Variants in MADD observed in about 807,000 individuals in gnomAD.
MADD encodes MAP kinase-activating death domain protein.
A neutral mutation model predicts 176.7 loss-of-function variants in MADD; 109 were observed. The ratio of observed to expected loss-of-function variants is 0.62; its 90% CI spans 0.53 to 0.72. MADD has a LOEUF of 0.72. Among genes scored for constraint, MADD ranks in the 30% least tolerant of loss-of-function variants. The pLI, the probability that MADD is intolerant of heterozygous loss-of-function variation, is 0.00. For synonymous variants in MADD, 771 were observed against 771.3 expected, an observed-to-expected ratio of 1.00 and a Z score of 0.01; for missense variants, 1,914 against 2,045.5, an observed-to-expected ratio of 0.94 and a Z score of 1.24.
chr11:47,306,345 C>T (rs2082606426), intron 22 of MADD, among the ~76,000 whole-genome samples: 1 of 152,154 alleles, frequency 6.6e-6, no homozygotes, highest in African/African-American at 2.4e-5. Flanking sequence ...CATCTGTCCC[C>T]AGAGCAAAAC....
intron 22 of MADD, among the ~76,000 whole-genome samples, chr11:47,305,457 C>G (rs538944242): frequency 6.6e-6 from 1 of 152,072 alleles, no homozygotes; most frequent in African/African-American, 2.4e-5. Flanking sequence ...ACTGGCCTTA[C>G]TCTGTGGAAG....
At chr11:47,288,238 A>C (rs1254447871) in intron 15 of MADD, among the ~76,000 whole-genome samples, 2 of 152,216 alleles carry the variant, frequency 1.3e-5, no homozygotes, top group Non-Finnish European at 2.9e-5. Flanking sequence ...ACAGTGAGCT[A>C]TAATTAGGCC....
chr11:47,275,083 A>G (rs2048426006), exon 3 of MADD: 3 of 1,614,136 alleles, frequency 1.9e-6, no homozygotes, highest in Non-Finnish European at 2.5e-6. Context: ...GTGTTTGTAT[A>G]CTCTCAAGCG....
chr11:47,297,505 G>T (rs1163154100), intron 22 of MADD, among the ~76,000 whole-genome samples: 1 of 150,772 alleles, frequency 6.6e-6, no homozygotes, highest in Non-Finnish European at 1.5e-5. Flanking sequence ...GGAGTGCAGT[G>T]GTGCGATCTC....
chr11:47,315,768 C>T (rs1436285486), intron 27 of MADD, among the ~76,000 whole-genome samples: 1 of 151,876 alleles, frequency 6.6e-6, no homozygotes, highest in African/African-American at 2.4e-5. Context: ...AGCCACCGCA[C>T]CCGGCCAAAT....
At chr11:47,300,252 G>C (rs1408802057) in intron 22 of MADD, among the ~76,000 whole-genome samples, 1 of 148,942 alleles carries the variant, frequency 6.7e-6, no homozygotes, top group Non-Finnish European at 1.5e-5. Context: ...TGTTGCCCAG[G>C]CTGGAGTGCA....
chr11:47,311,889 T>A, intron 26 of MADD, 47 bp downstream of exon 29: 1 of 1,281,778 alleles, frequency 7.8e-7, no homozygotes, highest in Non-Finnish European at 1.1e-6. Context: ...GGTCATTTCT[T>A]GGTTTGTGTC....
chr11:47,321,223 G>A (rs1259984471), intron 27 of MADD, among the ~76,000 whole-genome samples: 4 of 152,156 alleles, frequency 2.6e-5, no homozygotes, highest in Non-Finnish European at 4.4e-5. Flanking sequence ...TTTACATGAT[G>A]TTCTTAAAGG....
intron 22 of MADD, among the ~76,000 whole-genome samples, chr11:47,302,149 T>C: frequency 6.6e-6 from 1 of 152,198 alleles, no homozygotes; most frequent in African/African-American, 2.4e-5. Context: ...GTTGAATGCA[T>C]ATATATTTGC....
At chr11:47,311,939 G>C in intron 26 of MADD, 97 bp downstream of exon 29, 8 of 714,698 alleles carry the variant, frequency 1.1e-5, no homozygotes, top group Non-Finnish European at 1.5e-5. Flanking sequence ...AAATGGAGCA[G>C]TTGTCTTTGA....
intron 15 of MADD, 101 bp downstream of exon 16, chr11:47,289,128 T>G: frequency 2.5e-6 from 3 of 1,180,698 alleles, no homozygotes; most frequent in Non-Finnish European, 3.6e-6. Context: ...CAGCGTCACA[T>G]GAGTGACCTG....
At chr11:47,320,785 G>A (rs770005730) in intron 27 of MADD, among the ~76,000 whole-genome samples, 2 of 152,102 alleles carry the variant, frequency 1.3e-5, no homozygotes, top group Non-Finnish European at 2.9e-5. Context: ...AGCTAGGCAT[G>A]CTAGTGCATG....
At chr11:47,288,312 C>CA (rs576770865) in intron 15 of MADD, among the ~76,000 whole-genome samples, 187 of 152,252 alleles carry the variant, frequency 1.2e-3, no homozygotes, top group African/African-American at 4.3e-3. Context: ...CAGAAACAAA[C>CA]AAAGTTGTCA....
intron 19 of MADD, among the ~76,000 whole-genome samples, chr11:47,293,485 TAGA>T (rs1260080785): frequency 6.6e-6 from 1 of 152,002 alleles, no homozygotes; most frequent in African/African-American, 2.4e-5. Flanking sequence ...TATTTTTTGG[TAGA>T]GACAGGGTTT....
exon 11 of MADD, chr11:47,284,192 T>C: frequency 6.2e-7 from 1 of 1,613,482 alleles, no homozygotes; most frequent in Non-Finnish European, 8.5e-7. Flanking sequence ...AGTGATAGTA[T>C]GGATTATGAC....
intron 19 of MADD, among the ~76,000 whole-genome samples, chr11:47,293,191 TG>T (rs1359635665): frequency 2.6e-5 from 4 of 152,154 alleles, no homozygotes; most frequent in African/African-American, 9.7e-5. Context: ...TAGACACATT[TG>T]TTTGGGAAGC....
intron 31 of MADD, chr11:47,328,097 G>A: frequency 1.0e-6 from 1 of 997,892 alleles, no homozygotes; most frequent in Non-Finnish European, 1.2e-6. Flanking sequence ...CTGCCACTCA[G>A]GGAAGGACAC....
rs190804012 is a variant in MADD, at chr11:47,316,895, C to G, written c.4197+1568C>G. On this transcript the variant is annotated intron_variant, in intron 27 of 32. Coordinates refer to ENST00000402192, the Ensembl canonical transcript of MADD. ...AGTAGCTGGGATTACAGTCGCCCAC[C>G]ACCATGCCCAGATAATTTTTCTATT... Among the ~76,000 whole-genome samples the G allele has an allele frequency of 2.5e-3, 387 of 152,138 alleles. 4 individuals are homozygous for G. Among genetic ancestry groups the G allele is most frequent in the African/African-American group, 8.8e-3 (366 of 41,500 alleles).
chr11:47,290,089 G>GA, intron 17 of MADD, 36 bp downstream of exon 18: 1 of 1,612,590 alleles, frequency 6.2e-7, no homozygotes, highest in Non-Finnish European at 8.5e-7. Context: ...AGTAACTGGA[G>GA]AGAGGGATGT....
Sources: allele counts gnomAD v4.1 joint callset (sites outside exome capture counted in the v4.1 genomes callset), GRCh38; gene constraint gnomAD v4.1.1; transcripts MANE v1.5; gene names NCBI Gene and HGNC (gene_info 2026-07-23, HGNC 2026-07-21).